NUP210: variants seen among roughly 807,000 people sequenced by gnomAD.
The protein encoded by NUP210 is nucleoporin 210.
Under a neutral mutation model 196.0 loss-of-function variants are expected in NUP210, and 151 were observed. The observed-to-expected ratio is 0.77, with a 90% confidence interval of 0.67 to 0.88. The LOEUF (loss-of-function observed/expected upper bound fraction) is 0.88. Among genes scored for constraint, NUP210 ranks in the 40% least tolerant of loss-of-function variants. The pLI is 0.00. For synonymous variants in NUP210, 1,070 were observed against 1,052.7 expected (o/e 1.02, Z -0.32); for missense variants, 2,314 against 2,493.7 (o/e 0.93, Z 1.53).
chr3:13,383,684 C>T (rs1699175726), intron 6 of NUP210, among the ~76,000 whole-genome samples: 1 of 151,880 alleles, frequency 6.6e-6, no homozygotes, highest in Non-Finnish European at 1.5e-5. Context: ...GCCACCATGC[C>T]CAGCTAATTT....
chr3:13,371,443 T>C (rs180910203), intron 13 of NUP210, among the ~76,000 whole-genome samples: 56 of 152,276 alleles, frequency 3.7e-4, no homozygotes, highest in African/African-American at 1.3e-3. Context: ...CCACAGCAGA[T>C]GCGGCAGAGA....
At position 13,323,258 on chromosome 3, in the gene NUP210, C is replaced by A. The variant is rs1290398673; in HGVS notation, c.4768+51G>T. ...TCCATCCAGAGGACACAGGAAGCCA[C>A]CTCCCCGCTCCCAGGTACTCTGAAG... is the stretch of plus-strand genomic sequence containing the variant. On this transcript the variant is annotated intron_variant, in intron 34 of 39. Transcript: ENST00000254508. This position sits in a 1 kb window ranked among gnomAD's most constrained non-coding sequence, Gnocchi z 4.3. 6.2e-7 allele frequency: 1 copy of A among 1,609,136 alleles called. No homozygotes were observed. The highest frequency in any genetic ancestry group is 8.5e-7 in the Non-Finnish European group (1 of 1,177,162).
intron 5 of NUP210, among the ~76,000 whole-genome samples, chr3:13,388,025 ACCT>A (rs1242417315): frequency 1.3e-5 from 2 of 151,874 alleles, no homozygotes; most frequent in African/African-American, 4.8e-5. Context: ...GTTACTGGAA[ACCT>A]CCTGCTCTTG....
Position 13,319,125 on chromosome 3 carries a change from A to G in NUP210, c.5510T>C (p.Leu1837Pro). ...AGGCGTGAGGGCTGCAGGCACAGCAAGATCCCGGGGCGTGCAGACAGTGTG... is the reference window on the plus strand; with the variant it reads ...AGGCGTGAGGGCTGCAGGCACAGCAGGATCCCGGGGCGTGCAGACAGTGTG... ...AYHTVCTPRD[L>P]AVPAALTPRA... The change falls in exon 39 of 40, where the codon CTT becomes CCT. Residue 1837 changes from leucine to proline, a missense_variant. Coordinates refer to ENST00000254508, the MANE Select transcript of NUP210 (RefSeq NM_024923.4). The G allele has an allele frequency of 1.9e-6, 3 of 1,609,624 alleles. No individual in the cohort carries two copies. The highest frequency in any genetic ancestry group is 2.5e-6 in the Non-Finnish European group (3 of 1,177,972).
chr3:13,403,225 G>C (rs950225809), intron 1 of NUP210, among the ~76,000 whole-genome samples: 18 of 152,134 alleles, frequency 1.2e-4, no homozygotes, highest in African/African-American at 4.1e-4. Flanking sequence ...TCACAAACAG[G>C]GTTTTTCCAA....
intron 26 of NUP210, among the ~76,000 whole-genome samples, chr3:13,337,219 G>A (rs1384301637): frequency 6.6e-6 from 1 of 152,216 alleles, no homozygotes; most frequent in Non-Finnish European, 1.5e-5. Flanking sequence ...AGCACAGCTC[G>A]TGCTGCCCCA....
At chr3:13,394,582 C>T (rs1699593307) in intron 3 of NUP210, among the ~76,000 whole-genome samples, 1 of 152,202 alleles carries the variant, frequency 6.6e-6, no homozygotes, top group African/African-American at 2.4e-5. Flanking sequence ...TGCTCAGCCA[C>T]CCATGAGCTG....
chr3:13,408,900 A>G (rs780838713), intron 1 of NUP210, among the ~76,000 whole-genome samples: 1 of 152,096 alleles, frequency 6.6e-6, no homozygotes, highest in Non-Finnish European at 1.5e-5. Context: ...AGGGCATCCC[A>G]AAAGCTCCGT....
At position 13,366,059 on chromosome 3, in the gene NUP210, C is replaced by T. The variant is rs374356004; in HGVS notation, c.1819G>A (p.Gly607Ser). The change falls in exon 14 of 40, where the codon GGC (glycine) becomes AGC (serine). Residue 607 changes from glycine (G) to serine (S), a missense_variant. Transcript: ENST00000254508. ...RLPPGSEHCS[G>S]IRVKAEAQGS... The stretch of plus-strand genomic sequence containing the variant: ...TGGGCCTCGGCCTTTACCCGGATGC[C>T]GCTGCAGTGCTCAGAGCCTGGCGGC... The T allele has an allele frequency of 4.7e-4, 766 of 1,614,124 alleles. 7 individuals carry two copies. The South Asian group carries it at 7.7e-3, about 16-fold the overall frequency.
Position 13,335,480 on chromosome 3 carries a change from C to T in NUP210, c.3817G>A (p.Glu1273Lys). 6.2e-7 allele frequency: 1 copy of T among 1,613,966 alleles called. No individual in the cohort carries two copies. The highest frequency in any genetic ancestry group is 8.5e-7 in the Non-Finnish European group (1 of 1,179,904). Reference protein sequence around the residue: ...TSGQLYGLARELSDEIQVQVF... With the variant: ...TSGQLYGLARKLSDEIQVQVF... ...TGGACTTGGATCTCATCCGAGAGTT[C>T]TCTGGCCAGGCCATACAGCTGCCCC... Residue 1273 changes from glutamate to lysine, a missense_variant, in exon 28 of 40, where the codon GAA becomes AAA. Coordinates refer to ENST00000254508, the MANE Select transcript of NUP210 (RefSeq NM_024923.4).
intron 31 of NUP210, 134 bp from the exon 32 acceptor site, chr3:13,327,571 C>T (rs184947555): frequency 6.4e-5 from 44 of 683,190 alleles, no homozygotes; most frequent in African/African-American, 5.0e-4. Context: ...GGCCCCAACT[C>T]GAGGTTACCA....
At chr3:13,322,093 G>T in intron 35 of NUP210, 100 bp downstream of exon 35, 1 of 1,426,430 alleles carries the variant, frequency 7.0e-7, no homozygotes, top group Non-Finnish European at 9.8e-7. Flanking sequence ...CTGCCCTCTG[G>T]ACAGACGGCC....
At chr3:13,357,391 T>C (rs1478528106) in intron 16 of NUP210, among the ~76,000 whole-genome samples, 1 of 152,234 alleles carries the variant, frequency 6.6e-6, no homozygotes, top group Non-Finnish European at 1.5e-5. Context: ...TTGCCACCTC[T>C]GATCCATCTT....
chr3:13,343,441 C>T, intron 20 of NUP210, 138 bp from the exon 21 acceptor site: 1 of 1,124,494 alleles, frequency 8.9e-7, no homozygotes, highest in Non-Finnish European at 1.3e-6. Flanking sequence ...GCAGAGCCCG[C>T]CAGGCCAGCA....
At chr3:13,328,166 T>C (rs1044565885) in intron 31 of NUP210, among the ~76,000 whole-genome samples, 1 of 152,248 alleles carries the variant, frequency 6.6e-6, no homozygotes, top group Admixed American at 6.5e-5. Flanking sequence ...CTCCAGGACA[T>C]GCCCTAAACT....
chr3:13,414,509 T>C (rs564579796), intron 1 of NUP210, among the ~76,000 whole-genome samples: 1 of 52 alleles, frequency 0.019, no homozygotes, highest in Non-Finnish European at 0.056. Flanking sequence ...AGTCTAACCC[T>C]GCCCACATCT....
intron 1 of NUP210, among the ~76,000 whole-genome samples, chr3:13,419,089 CAT>C (rs1236136074): frequency 4.6e-5 from 7 of 152,200 alleles, no homozygotes; most frequent in African/African-American, 1.7e-4. Context: ...TTGACACACA[CAT>C]GTCCAGGCTT....
In NUP210 at chr3:13,323,303, A is replaced by G; in HGVS notation, c.4768+6T>C. 1 of 1,614,056 alleles carries G rather than the reference A, an allele frequency of 6.2e-7. No individual in the cohort carries two copies. The highest frequency in any genetic ancestry group is 8.5e-7 in the Non-Finnish European group (1 of 1,179,964). On this transcript the variant is annotated splice_donor_region_variant and intron_variant, in intron 34 of 39. Transcript: ENST00000254508. The surrounding 1 kb of genome is among the most constrained non-coding windows in gnomAD (Gnocchi z 4.3). Reference sequence around the variant, plus strand: ...CTGAAGACAGCCCAAGCCCCTCATTAAGTACCTCTCAGGTTAGAGCTTCTG... The same window carrying G: ...CTGAAGACAGCCCAAGCCCCTCATTGAGTACCTCTCAGGTTAGAGCTTCTG...
chr3:13,402,142 G>T (rs1699858693), intron 1 of NUP210, among the ~76,000 whole-genome samples: 2 of 152,220 alleles, frequency 1.3e-5, no homozygotes, highest in South Asian at 4.1e-4. Context: ...CAAGGCTGCA[G>T]TGAGTTGTGA....
Sources: allele counts gnomAD v4.1 joint callset (sites outside exome capture counted in the v4.1 genomes callset), GRCh38; gene constraint gnomAD v4.1.1; non-coding constraint Gnocchi (gnomAD v3.1); transcripts MANE v1.5; gene names NCBI Gene and HGNC (gene_info 2026-07-23, HGNC 2026-07-21).